Variants in LPP observed in about 807,000 individuals in gnomAD.
The protein encoded by LPP is lipoma-preferred partner.
Under a neutral mutation model 60.4 loss-of-function variants are expected in LPP, and 38 were observed. The ratio of observed to expected loss-of-function variants is 0.63; its 90% CI spans 0.49 to 0.83. The LOEUF (loss-of-function observed/expected upper bound fraction) is 0.83. Among genes scored for constraint, LPP ranks in the 40% least tolerant of loss-of-function variants. The probability of loss-of-function intolerance (pLI) is 0.00; values close to 1 mark genes in which losing one functional copy is unlikely to be tolerated. For synonymous variants in LPP, 328 were observed against 290.8 expected, an observed-to-expected ratio of 1.13 and a Z score of -1.30; for missense variants, 902 against 783.6, an observed-to-expected ratio of 1.15 and a Z score of -1.80.
At chr3:188,582,333 T>C (rs1836434966) in intron 6 of LPP, among the ~76,000 whole-genome samples, 1 of 151,618 alleles carries the variant, frequency 6.6e-6, no homozygotes, top group African/African-American at 2.4e-5. Flanking sequence ...AATTTTTTTT[T>C]CTTTTTTCTT....
At chr3:188,729,689 CTA>C (rs1239066339) in intron 8 of LPP, among the ~76,000 whole-genome samples, 1 of 152,068 alleles carries the variant, frequency 6.6e-6, no homozygotes, top group African/African-American at 2.4e-5. Context: ...TGTAAGAACA[CTA>C]TGTGGCCAGG....
At chr3:188,873,343 C>A (rs974921137) in intron 11 of LPP, among the ~76,000 whole-genome samples, 1 of 152,204 alleles carries the variant, frequency 6.6e-6, no homozygotes, top group Non-Finnish European at 1.5e-5. Context: ...CCATTGACCT[C>A]CTTGCCACCA....
At chr3:188,516,429 A>G (rs1459891868) in intron 5 of LPP, among the ~76,000 whole-genome samples, 1 of 152,088 alleles carries the variant, frequency 6.6e-6, no homozygotes, top group Non-Finnish European at 1.5e-5. Context: ...GATTATATTA[A>G]ATAGAAATGT....
At position 188,203,392 on chromosome 3, in the gene LPP, T is replaced by C. The variant is rs1427404901; in HGVS notation, c.-189-22013T>C. Among the ~76,000 whole-genome samples, 6 of 80,676 alleles carry C rather than the reference T, an allele frequency of 7.4e-5. 1 individual carries two copies. The South Asian group carries it at 2.6e-3, about 35-fold the overall frequency. 52.9% of individuals were successfully genotyped at this position (80,676 alleles called of 152,430 possible). A position where few individuals can be genotyped will look rare whatever the true frequency, so the allele number is the denominator to read the frequency against. ...TAAATATATATTAATATTTATATAT[T>C]AATATATATTTTTATAAATATATAT... On this transcript the variant is annotated intron_variant, in intron 1 of 11. Coordinates refer to ENST00000617246, the MANE Select transcript of LPP (RefSeq NM_001375462.1).
rs1766132815 is a variant in LPP, at chr3:188,352,411, T to C, written c.-10+10692T>C. ...ATCAGCTATTTTCTGAAGGAGTCGC[T>C]GACCTTCCCCACAATAGAAGCTGTT... On this transcript the variant is annotated intron_variant, in intron 3 of 11. Coordinates refer to ENST00000617246, the MANE Select transcript of LPP (RefSeq NM_001375462.1). This position sits in a 1 kb window ranked among gnomAD's most constrained non-coding sequence, Gnocchi z 4.4. 6.6e-6 allele frequency among the ~76,000 whole-genome samples: 1 copy of C among 152,208 alleles called. No homozygotes were observed. The highest frequency in any genetic ancestry group is 1.5e-5 in the Non-Finnish European group (1 of 68,044).
rs1388317207 is a variant in LPP at position 188,804,277 on chromosome 3, A to ATATATATATATATATATATG, written c.1410+44001_1410+44002insTATATATATATATGTATATA. 3.6e-4 allele frequency among the ~76,000 whole-genome samples: 45 copies of ATATATATATATATATATATG among 126,136 alleles called. 1 individual carries two copies. The highest frequency in any genetic ancestry group is 1.7e-3 in the Admixed American group (19 of 11,438). 82.8% of individuals were successfully genotyped at this position (126,136 alleles called of 152,430 possible). On this transcript the variant is annotated intron_variant, in intron 9 of 11. Transcript: ENST00000617246. ...TATATATATATATATATATATATAT[A>ATATATATATATATATATATG]TATATAAAATGGAATACAATTCAGC...
At chr3:188,199,039 G>GAAGAC (rs1730304359) in intron 1 of LPP, among the ~76,000 whole-genome samples, 1 of 152,192 alleles carries the variant, frequency 6.6e-6, no homozygotes, top group Non-Finnish European at 1.5e-5. Context: ...ATCTCAGCTG[G>GAAGAC]AAGACTCGAA....
intron 1 of LPP, among the ~76,000 whole-genome samples, chr3:188,216,330 G>A (rs1218008975): frequency 6.6e-6 from 1 of 150,640 alleles, no homozygotes; most frequent in Non-Finnish European, 1.5e-5. Context: ...GGAGTGCAGG[G>A]CGTGATCTTG....
intron 8 of LPP, among the ~76,000 whole-genome samples, chr3:188,720,763 G>C (rs1368120693): frequency 1.3e-5 from 2 of 152,060 alleles, no homozygotes; most frequent in Non-Finnish European, 2.9e-5. Context: ...GTCCTCACTT[G>C]GTTCTAAGGT....
At chr3:188,348,625 G>A (rs1765027483) in intron 3 of LPP, among the ~76,000 whole-genome samples, 1 of 152,218 alleles carries the variant, frequency 6.6e-6, no homozygotes, top group Admixed American at 6.5e-5. Flanking sequence ...GCTTCTCAAA[G>A]TTTGGTCTGA....
intron 7 of LPP, among the ~76,000 whole-genome samples, chr3:188,699,952 G>A (rs1864049409): frequency 6.6e-6 from 1 of 152,166 alleles, no homozygotes; most frequent in Non-Finnish European, 1.5e-5. Context: ...GGGGGGAAAA[G>A]AACGAAAATA....
intron 2 of LPP, among the ~76,000 whole-genome samples, chr3:188,300,173 T>C (rs1303199047): frequency 1.3e-5 from 2 of 152,008 alleles, no homozygotes; most frequent in African/African-American, 4.8e-5. Flanking sequence ...TAATCTGTTC[T>C]CTTTTTTTAA....
intron 9 of LPP, among the ~76,000 whole-genome samples, chr3:188,793,616 G>A (rs1744495844): frequency 6.6e-6 from 1 of 152,126 alleles, no homozygotes; most frequent in Admixed American, 6.5e-5. Flanking sequence ...GAGTATATGT[G>A]CTTTATTAAT....
chr3:188,738,153 CATT>C (rs1422728197), intron 8 of LPP, among the ~76,000 whole-genome samples: 2 of 152,016 alleles, frequency 1.3e-5, no homozygotes, highest in Non-Finnish European at 2.9e-5. Context: ...CCTGACCTGT[CATT>C]ATTGAAAAAC....
intron 4 of LPP, among the ~76,000 whole-genome samples, chr3:188,443,414 T>C (rs940968484): frequency 1.3e-5 from 2 of 152,132 alleles, no homozygotes. Flanking sequence ...CCTGGCAGGG[T>C]TATCTTACGC....
chr3:188,629,114 A>G (rs1847389206), intron 7 of LPP, among the ~76,000 whole-genome samples: 1 of 152,150 alleles, frequency 6.6e-6, no homozygotes, highest in African/African-American at 2.4e-5. Flanking sequence ...TCAAAATAAT[A>G]AGAACCATCT....
At chr3:188,505,828 C>G (rs1003390642) in intron 5 of LPP, among the ~76,000 whole-genome samples, 6 of 152,180 alleles carry the variant, frequency 3.9e-5, no homozygotes, top group Admixed American at 6.5e-5. Flanking sequence ...AACTGCATAT[C>G]TGTAACCACT....
chr3:188,539,582 GCATTTGAAATGA>G (rs1824574753), intron 6 of LPP, among the ~76,000 whole-genome samples: 1 of 152,110 alleles, frequency 6.6e-6, no homozygotes, highest in South Asian at 2.1e-4. Flanking sequence ...CTTCATTGGA[GCATTTGAAATGA>G]CACTCTGGTA....
chr3:188,562,086 CAT>C (rs1380323372), intron 6 of LPP, among the ~76,000 whole-genome samples: 1 of 151,880 alleles, frequency 6.6e-6, no homozygotes, highest in Non-Finnish European at 1.5e-5. Context: ...CACACACACA[CAT>C]ACAAACACAC....
Sources: gnomAD v4.1 joint callset for allele counts (sites outside exome capture counted in the v4.1 genomes callset) on GRCh38, gnomAD v4.1.1 for gene constraint, Gnocchi (gnomAD v3.1) non-coding constraint, MANE v1.5 for transcripts, NCBI Gene and HGNC (gene_info 2026-07-23, HGNC 2026-07-21) for gene names.